FAM20A: variants seen among roughly 807,000 people sequenced by gnomAD.
FAM20A encodes FAM20A golgi associated secretory pathway pseudokinase.
In FAM20A, 42 loss-of-function variants were observed where a neutral mutation model predicts 52.0. The ratio of observed to expected loss-of-function variants is 0.81; its 90% CI spans 0.63 to 1.04. The LOEUF is 1.04. Ranked by LOEUF, FAM20A falls within the 50% of genes least tolerant of loss-of-function variation. FAM20A has a pLI of 0.00. For synonymous variants in FAM20A, 304 were observed against 298.9 expected (o/e 1.02, Z -0.18); for missense variants, 742 against 712.7 (o/e 1.04, Z -0.47).
chr17:68,576,471 C>T (rs184958967), intron 1 of FAM20A, among the ~76,000 whole-genome samples: 31 of 152,310 alleles, frequency 2.0e-4, no homozygotes, highest in Non-Finnish European at 3.5e-4. Flanking sequence ...CTGACTGCAT[C>T]ATGGTCCATC....
chr17:68,569,590 G>T (rs2143789542), intron 1 of FAM20A, among the ~76,000 whole-genome samples: 1 of 152,272 alleles, frequency 6.6e-6, no homozygotes, highest in Non-Finnish European at 1.5e-5. Context: ...AAAAATTAAA[G>T]TCACACCAGC....
rs1193918009 is a variant in FAM20A, at chr17:68,599,364, G to C, written c.404+899C>G. Among the ~76,000 whole-genome samples, 7 of 152,296 alleles carry C rather than the reference G, an allele frequency of 4.6e-5. No homozygotes were observed. In the East Asian group the frequency reaches 9.6e-4, roughly 21 times the overall value. ...TCAAAACAGAGTCCTTAACTCATAC[G>C]AAGGCTTCCTGCCACTAGCAAGGGA... On this transcript the variant is annotated intron_variant, in intron 1 of 10. Coordinates refer to ENST00000592554, the MANE Select transcript of FAM20A (RefSeq NM_017565.4).
intron 1 of FAM20A, among the ~76,000 whole-genome samples, chr17:68,572,020 ATATATATAT>A (rs2087573418): frequency 8.8e-6 from 1 of 113,372 alleles, no homozygotes; most frequent in South Asian, 3.0e-4. Flanking sequence ...ATATATATAT[ATATATATAT>A]ATATATATAT....
At chr17:68,544,735 G>A (rs1050413246) in intron 4 of FAM20A, among the ~76,000 whole-genome samples, 1 of 152,158 alleles carries the variant, frequency 6.6e-6, no homozygotes, top group Admixed American at 6.5e-5. Flanking sequence ...GCTCAGGCCT[G>A]GCCAGCTTAT....
rs1267219241 is a variant in FAM20A, at chr17:68,555,841, C to T, written c.405-98G>A. On this transcript the variant is annotated intron_variant, in intron 1 of 10. Coordinates refer to ENST00000592554, the MANE Select transcript of FAM20A (RefSeq NM_017565.4). ...TTTTTATTCATCCTTTCATTTATTC[C>T]ACAAGTGTATTAAGCATCTAATGAG... The T allele has an allele frequency of 3.6e-6, 5 of 1,379,712 alleles. No homozygotes were observed. The African/African-American group carries it at 5.7e-5, about 16-fold the overall frequency. The allele number at this position is 1,379,712 out of a possible 1,614,324, so 85.5% of individuals were successfully genotyped here. A position where few individuals can be genotyped will look rare whatever the true frequency, so the allele number is the denominator to read the frequency against.
At chr17:68,540,664 T>C (rs2086245584) in intron 8 of FAM20A, 185 bp downstream of exon 8, 1 of 762,210 alleles carries the variant, frequency 1.3e-6, no homozygotes, top group African/African-American at 1.7e-5. Context: ...TTCTTCCAGT[T>C]CTTTGAAGAG....
intron 1 of FAM20A, among the ~76,000 whole-genome samples, chr17:68,559,776 T>C (rs1315861955): frequency 1.3e-5 from 2 of 152,246 alleles, no homozygotes; most frequent in Admixed American, 1.3e-4. Context: ...CCCATTGTTT[T>C]TTTCCACTTT....
intron 4 of FAM20A, chr17:68,551,268 G>C (rs11657445): frequency 0.15 from 78,241 of 526,370 alleles, 6,465 homozygotes; most frequent in Non-Finnish European, 0.17. Context: ...AATTTTCAAG[G>C]CATGTAGTTG....
At chr17:68,569,351 T>C (rs1016034346) in intron 1 of FAM20A, among the ~76,000 whole-genome samples, 5 of 152,224 alleles carry the variant, frequency 3.3e-5, no homozygotes, top group Non-Finnish European at 7.3e-5. Flanking sequence ...CCTGGACTTT[T>C]CCAATAGCCT....
chr17:68,570,065 A>G (rs1220772734), intron 1 of FAM20A, among the ~76,000 whole-genome samples: 4 of 152,164 alleles, frequency 2.6e-5, no homozygotes, highest in Non-Finnish European at 5.9e-5. Context: ...AGCACATAAC[A>G]GATGTTCAAT....
chr17:68,590,757 C>T (rs2088281226), intron 1 of FAM20A, among the ~76,000 whole-genome samples: 1 of 152,202 alleles, frequency 6.6e-6, no homozygotes, highest in Non-Finnish European at 1.5e-5. Context: ...CCCTCCACCA[C>T]CCTGTCAGTC....
At position 68,537,630 on chromosome 17, in the gene FAM20A, A is replaced by G. The variant is rs1326421454; in HGVS notation, c.1473T>C (p.Thr491=). 1 of 1,613,622 alleles carries G rather than the reference A, an allele frequency of 6.2e-7. No homozygotes were observed. The highest frequency in any genetic ancestry group is 1.3e-5 in the African/African-American group (1 of 74,930). Residue 491 remains threonine (T), a synonymous_variant, in exon 11 of 11, where the codon ACT becomes ACC. Transcript: ENST00000592554. The surrounding 1 kb of genome is among the most constrained non-coding windows in gnomAD (Gnocchi z 4.2). ...GATCCAGGGCAAGGAGGTGGGGTTC[A>G]GTGAGGACAGGGCTGAGCTGGTCTT... The part of the protein sequence containing the change: ...LLEDQLSPVL[T]EPHLLALDRR...
intron 3 of FAM20A, among the ~76,000 whole-genome samples, 153 bp downstream of exon 3, chr17:68,554,624 T>C (rs184959178): frequency 6.6e-6 from 1 of 152,028 alleles, no homozygotes; most frequent in East Asian, 1.9e-4. Flanking sequence ...TTTCTTGTTG[T>C]GGGTGGATGG....
intron 4 of FAM20A, among the ~76,000 whole-genome samples, chr17:68,548,327 C>T (rs2086662814): frequency 6.6e-6 from 1 of 152,026 alleles, no homozygotes; most frequent in South Asian, 2.1e-4. Context: ...GTCGAGAGTT[C>T]GAGACCAGCC....
Position 68,537,886 on chromosome 17 carries a change from G to A in FAM20A, c.1362-145C>T. The A allele has an allele frequency of 2.1e-6, 2 of 963,312 alleles. No homozygotes were observed. Among genetic ancestry groups the A allele is most frequent in the Non-Finnish European group, 3.2e-6 (2 of 632,482 alleles). 59.7% of individuals were successfully genotyped at this position (963,312 alleles called of 1,614,324 possible). ...CTCAGGCACATTTTAATGGAAACCA[G>A]GTAAAAAGGGAACAAATGAAAGGCA... On this transcript the variant is annotated intron_variant, in intron 10 of 10. Transcript: ENST00000592554. The surrounding 1 kb of genome is among the most constrained non-coding windows in gnomAD (Gnocchi z 4.2).
intron 1 of FAM20A, among the ~76,000 whole-genome samples, chr17:68,591,007 G>T (rs1472122508): frequency 6.6e-6 from 1 of 152,112 alleles, no homozygotes; most frequent in African/African-American, 2.4e-5. Context: ...CAAGGCTTTG[G>T]GTACATGGGC....
chr17:68,583,621 A>G (rs1353035210), intron 1 of FAM20A, among the ~76,000 whole-genome samples: 3 of 152,168 alleles, frequency 2.0e-5, no homozygotes, highest in Non-Finnish European at 2.9e-5. Context: ...TTTTAACCAC[A>G]TAAGATGATA....
chr17:68,541,759 C>T (rs2086306619), intron 7 of FAM20A: 1 of 496,022 alleles, frequency 2.0e-6, no homozygotes, highest in African/African-American at 1.9e-5. Flanking sequence ...ATTTCTGTAT[C>T]CCATAACACC....
chr17:68,542,766 C>T lies in FAM20A; in HGVS notation c.856G>A (p.Val286Ile). The change falls in exon 6 of 11, where the codon GTA becomes ATA. Residue 286 changes from valine to isoleucine, a missense_variant. By Grantham distance (29) the Val-to-Ile change is conservative. Coordinates refer to ENST00000592554, the MANE Select transcript of FAM20A (RefSeq NM_017565.4). ...TCTAGGATTTCCTTGGTGACATTTA[C>T]TATCCTCCCCACTGTTGGCGGCACC... ...RRVPPTVGRI[V>I]NVTKEILEVT... The T allele has an allele frequency of 6.2e-7, 1 of 1,614,182 alleles. No individual in the cohort carries two copies. Among genetic ancestry groups the T allele is most frequent in the East Asian group, 2.2e-5 (1 of 44,884 alleles).
Sources: allele counts gnomAD v4.1 joint callset (sites outside exome capture counted in the v4.1 genomes callset), GRCh38; gene constraint gnomAD v4.1.1; non-coding constraint Gnocchi (gnomAD v3.1); transcripts MANE v1.5; gene names NCBI Gene and HGNC (gene_info 2026-07-23, HGNC 2026-07-21).